The following AKAP8 variants were observed in gnomAD, a reference collection of about 807,000 sequenced individuals.
AKAP8 encodes the protein A-kinase anchoring protein 8.
AKAP8 carries 24 observed loss-of-function variants against 67.5 expected under a neutral mutation model. The observed-to-expected ratio is 0.36, with a 90% CI of 0.26 to 0.50. The LOEUF is 0.50. AKAP8 is among the 20% of genes least tolerant of loss of function. AKAP8 has a pLI of 0.97. For missense variants in AKAP8, 971 were observed against 955.9 expected (o/e 1.02, Z -0.21); for synonymous variants, 400 against 371.1 (o/e 1.08, Z -0.90).
rs1967172255 is a variant in AKAP8, at chr19:15,372,297, T to C, written c.912A>G (p.Lys304=). 6.2e-7 allele frequency: 1 copy of C among 1,613,996 alleles called. No homozygotes were observed. The highest frequency in any genetic ancestry group is 1.3e-5 in the African/African-American group (1 of 74,882). Residue 304 remains lysine (K), a synonymous_variant, in exon 6 of 14, where the codon AAA becomes AAG. Transcript: ENST00000269701. ...CCTCGTAAAGTTGGAACTGCTTCCG[T>C]TTCCTGCCCGTGCCATCTGGTCCGA... ...DRFGPDGTGR[K]RKQFQLYEEP... is the part of the protein sequence containing the mutation.
rs562718009 is a variant in AKAP8, at chr19:15,366,851, C to T, written c.1160+1384G>A. Among the ~76,000 whole-genome samples, 244 of 152,188 alleles carry T rather than the reference C, an allele frequency of 1.6e-3. 1 individual carries two copies. Among genetic ancestry groups the T allele is most frequent in the Middle Eastern group, 3.4e-3 (1 of 292 alleles). On this transcript the variant is annotated intron_variant, in intron 9 of 13. Coordinates refer to ENST00000269701, the MANE Select transcript of AKAP8 (RefSeq NM_005858.4). ...CTCGAACTCCCAACCTCAGGTGATC[C>T]GCCTGCCTTGGCCTCCCAAAGTGGT...
At chr19:15,370,941 G>C (rs988135723) in intron 7 of AKAP8, among the ~76,000 whole-genome samples, 2 of 152,050 alleles carry the variant, frequency 1.3e-5, no homozygotes, top group East Asian at 3.9e-4. Flanking sequence ...ATATTTACCC[G>C]ATGTCTTAAT....
intron 5 of AKAP8, 26 bp downstream of exon 5, chr19:15,372,825 C>T (rs1967182766): frequency 4.1e-6 from 6 of 1,480,918 alleles, no homozygotes; most frequent in Non-Finnish European, 5.4e-6. Flanking sequence ...GCGAAGGCGG[C>T]CGGAAGGAAC....
chr19:15,379,599 A>G, intron 1 of AKAP8, 114 bp downstream of exon 1: 1 of 1,300,408 alleles, frequency 7.7e-7, no homozygotes. Flanking sequence ...CGGAGGGCCC[A>G]GCTGGGGCAA....
At chr19:15,368,157 G>A (rs1967097904) in intron 9 of AKAP8, 78 bp downstream of exon 9, 1 of 1,570,572 alleles carries the variant, frequency 6.4e-7, no homozygotes. Context: ...GCATTGTGGA[G>A]CGAGGACAGG....
intron 11 of AKAP8, 186 bp downstream of exon 11, chr19:15,361,543 G>A (rs983533307): frequency 3.5e-5 from 18 of 515,946 alleles, no homozygotes; most frequent in African/African-American, 1.8e-4. Context: ...TAGTAGAGAC[G>A]GGGTTTCACC....
At chr19:15,364,414 G>A (rs1183746747) in intron 9 of AKAP8, among the ~76,000 whole-genome samples, 1 of 151,840 alleles carries the variant, frequency 6.6e-6, no homozygotes, top group African/African-American at 2.4e-5. Flanking sequence ...GCAGTGGTGC[G>A]ATCTTGGCTC....
chr19:15,371,364 C>G (rs922820755), intron 7 of AKAP8, among the ~76,000 whole-genome samples: 2 of 152,172 alleles, frequency 1.3e-5, no homozygotes, highest in African/African-American at 4.8e-5. Context: ...ACGGAGCTGG[C>G]GGCAAATGAG....
chr19:15,377,973 G>A (rs763351482), intron 1 of AKAP8, among the ~76,000 whole-genome samples: 1 of 152,164 alleles, frequency 6.6e-6, no homozygotes, highest in African/African-American at 2.4e-5. Context: ...AGCTGCGCGC[G>A]GGTGGCCACC....
intron 8 of AKAP8, 26 bp from the exon 9 acceptor site, chr19:15,368,348 C>G (rs145962172): frequency 2.5e-6 from 4 of 1,612,868 alleles, no homozygotes; most frequent in African/African-American, 1.3e-5. Flanking sequence ...CCCTTCGAGA[C>G]GCTCTGAGTG....
chr19:15,362,063 T>C, intron 10 of AKAP8, 47 bp downstream of exon 10: 1 of 1,606,840 alleles, frequency 6.2e-7, no homozygotes, highest in Non-Finnish European at 8.5e-7. Context: ...ATCCGGCACC[T>C]GCGGGATGGG....
rs756893665 is a variant in AKAP8, at chr19:15,355,228, A to G, written c.1766T>C (p.Val589Ala). The G allele has an allele frequency of 6.2e-7, 1 of 1,611,204 alleles. No homozygotes were observed. Among genetic ancestry groups the G allele is most frequent in the Non-Finnish European group, 8.5e-7 (1 of 1,179,982 alleles). ...TGGAGCGGGCGCTCCTTCCCCATCT[A>G]CGGCCCTCACTGCTGCTGTAATCAC... The part of the protein sequence containing the change: ...AEVITAAVRA[V>A]DGEGAPAPES... Residue 589 changes from valine (V) to alanine (A), a missense_variant, in exon 14 of 14, where the codon GTA becomes GCA. Coordinates refer to ENST00000269701, the MANE Select transcript of AKAP8 (RefSeq NM_005858.4).
Position 15,373,032 on chromosome 19 carries a change from A to G in AKAP8, c.680T>C (p.Leu227Pro). 1 of 1,593,938 alleles carries G rather than the reference A, an allele frequency of 6.3e-7. No homozygotes were observed. Among genetic ancestry groups the G allele is most frequent in the Non-Finnish European group, 8.6e-7 (1 of 1,168,046 alleles). ...SEPLSTPWNELNYVGGRGLGG... is the reference protein window; with the variant it reads ...SEPLSTPWNEPNYVGGRGLGG... The stretch of plus-strand genomic sequence containing the variant: ...CAGGCCCCGTCCACCCACGTAGTTC[A>G]GCTCGTTCCAGGGCGTGGACAGGGG... Residue 227 changes from leucine to proline, a missense_variant, in exon 5 of 14, where the codon CTG (leucine) becomes CCG (proline). By Grantham distance (98) the Leu-to-Pro change is moderately conservative. Around this residue, in one of 3 missense-constraint regions of AKAP8, gnomAD observed 763 missense variants for 745.4 expected, o/e 1.02. Coordinates refer to ENST00000269701, the MANE Select transcript of AKAP8 (RefSeq NM_005858.4).
chr19:15,371,861 T>C (rs1055571094), intron 7 of AKAP8, 91 bp downstream of exon 7: 6 of 1,407,668 alleles, frequency 4.3e-6, no homozygotes, highest in East Asian at 4.7e-5. Context: ...AAATCTACCA[T>C]GGCAGCTGCT....
At position 15,359,054 on chromosome 19, in the gene AKAP8, A is replaced by G. The variant is rs1966921341; in HGVS notation, c.1536T>C (p.Ala512=). Residue 512 remains alanine (A), a synonymous_variant, in exon 13 of 14, where the codon GCT becomes GCC. Transcript: ENST00000269701. ...VDHNHNRRLA[A]EQFKKTSLHV... ...GGAGACTGGTTTTCTTGAACTGTTC[A>G]GCAGCCAACTGCAAAGGGAACCAAA... The G allele has an allele frequency of 6.2e-7, 1 of 1,614,090 alleles. No individual in the cohort carries two copies. Among genetic ancestry groups the G allele is most frequent in the Non-Finnish European group, 8.5e-7 (1 of 1,180,024 alleles).
Position 15,369,736 on chromosome 19 carries a change from C to T in AKAP8, c.1072+410G>A, listed in dbSNP as rs889086735. Among the ~76,000 whole-genome samples, 18 of 152,324 alleles carry T rather than the reference C, an allele frequency of 1.2e-4. No homozygotes were observed. The highest frequency in any genetic ancestry group is 1.2e-3 in the Admixed American group (18 of 15,298). On this transcript the variant is annotated intron_variant, in intron 8 of 13. Transcript: ENST00000269701. The surrounding 1 kb of genome is among the most constrained non-coding windows in gnomAD (Gnocchi z 4.6). ...CACCACAGAGGCCCACAGCACAGCC[C>T]AGGGCAGGCGACTGAAGGAACTGGA... is the stretch of plus-strand genomic sequence containing the variant.
At chr19:15,379,680 C>T in intron 1 of AKAP8, 33 bp downstream of exon 1, 9 of 1,603,722 alleles carry the variant, frequency 5.6e-6, no homozygotes, top group Non-Finnish European at 7.7e-6. Context: ...AGAGCCTTCC[C>T]TCCCCGCTCC....
chr19:15,355,329 C>T lies in AKAP8; in HGVS notation c.1665G>A (p.Met555Ile). The change falls in exon 14 of 14, where the codon ATG (methionine) becomes ATA (isoleucine). Residue 555 changes from methionine (M) to isoleucine (I), a missense_variant. By Grantham distance (10) the Met-to-Ile change is conservative (BLOSUM62 1). Transcript: ENST00000269701. ...PFTSETVDPE[M>I]EGDDNLGGED... ...CACCTCCTAAATTGTCATCTCCTTC[C>T]ATTTCTGGATCAACAGTTTCACTGG... 1.9e-6 allele frequency: 3 copies of T among 1,613,788 alleles called. No individual in the cohort carries two copies. The highest frequency in any genetic ancestry group is 1.7e-6 in the Non-Finnish European group (2 of 1,180,016).
intron 9 of AKAP8, among the ~76,000 whole-genome samples, chr19:15,366,328 G>A (rs936729059): frequency 1.3e-5 from 2 of 151,960 alleles, no homozygotes; most frequent in Non-Finnish European, 2.9e-5. Context: ...TAATTAAAAA[G>A]AAAATGTCAT....
Sources: allele counts gnomAD v4.1 joint callset (sites outside exome capture counted in the v4.1 genomes callset), GRCh38; gene constraint gnomAD v4.1.1; regional missense constraint gnomAD v4.1.1; non-coding constraint Gnocchi (gnomAD v3.1); transcripts MANE v1.5; gene names NCBI Gene and HGNC (gene_info 2026-07-23, HGNC 2026-07-21).